The following NFATC2 variants were observed in gnomAD, a reference collection of about 807,000 sequenced individuals.
The protein encoded by NFATC2 is nuclear factor of activated T-cells, cytoplasmic 2.
A neutral mutation model predicts 87.3 loss-of-function variants in NFATC2; 22 were observed. That is an observed-to-expected ratio of 0.25 (90% CI 0.18 to 0.36). The LOEUF is 0.36. Ranked by LOEUF, NFATC2 falls within the 10% of genes least tolerant of loss-of-function variation. The pLI, the probability that NFATC2 is intolerant of heterozygous loss-of-function variation, is 1.00. For synonymous variants in NFATC2, 565 were observed against 542.2 expected (o/e 1.04, Z -0.58); for missense variants, 1,149 against 1,259.1 (o/e 0.91, Z 1.32).
chr20:51,486,595 C>G (rs1344913071), intron 3 of NFATC2, among the ~76,000 whole-genome samples: 1 of 110,028 alleles, frequency 9.1e-6, no homozygotes, highest in East Asian at 3.2e-4. Context: ...TGTTCCCACC[C>G]CCCGCCCCAC....
intron 1 of NFATC2, among the ~76,000 whole-genome samples, chr20:51,530,087 G>A (rs932022959): frequency 3.9e-5 from 6 of 152,168 alleles, no homozygotes; most frequent in Admixed American, 2.6e-4. Flanking sequence ...CTAGGAACAG[G>A]GAAAGGGAGG....
intron 1 of NFATC2, among the ~76,000 whole-genome samples, chr20:51,527,764 C>G (rs77263937): frequency 6.6e-6 from 1 of 152,006 alleles, no homozygotes; most frequent in African/African-American, 2.4e-5. Context: ...CACGTGCCCC[C>G]GGAACCACAT....
At chr20:51,497,241 G>A (rs1314636351) in intron 3 of NFATC2, among the ~76,000 whole-genome samples, 2 of 152,274 alleles carry the variant, frequency 1.3e-5, no homozygotes, top group East Asian at 1.9e-4. Flanking sequence ...TCTGCCTCAC[G>A]ACTTCAACAA....
chr20:51,477,975 A>C (rs1988900273), intron 3 of NFATC2, among the ~76,000 whole-genome samples: 1 of 152,216 alleles, frequency 6.6e-6, no homozygotes, highest in Non-Finnish European at 1.5e-5. Context: ...CACAATGAAC[A>C]AACAGCACAG....
intron 6 of NFATC2, among the ~76,000 whole-genome samples, chr20:51,445,951 C>A (rs1427557038): frequency 6.6e-6 from 1 of 152,176 alleles, no homozygotes; most frequent in Admixed American, 6.5e-5. Context: ...CTCTTCTCGG[C>A]CCTAAGCTGT....
intron 1 of NFATC2, among the ~76,000 whole-genome samples, chr20:51,535,456 C>T (rs752354515): frequency 2.6e-5 from 4 of 152,214 alleles, no homozygotes; most frequent in Admixed American, 6.5e-5. Flanking sequence ...AACCCTTGGC[C>T]GGGGTCAGAG....
chr20:51,429,305 G>A (rs918363444), intron 9 of NFATC2, among the ~76,000 whole-genome samples: 1 of 152,254 alleles, frequency 6.6e-6, no homozygotes, highest in Non-Finnish European at 1.5e-5. Flanking sequence ...AGGGTCCTGG[G>A]GTGGGCAGAG....
At chr20:51,491,575 G>A (rs16996047) in intron 3 of NFATC2, among the ~76,000 whole-genome samples, 11,802 of 152,148 alleles carry the variant, frequency 0.078, 596 homozygotes, top group African/African-American at 0.15. Context: ...GAGCTGGGAG[G>A]AGAAGTGCAG....
In NFATC2 at chr20:51,523,196, C is replaced by G. The variant is rs1317087060; in HGVS notation, c.1045G>C (p.Val349Leu). ...AGLPRHIYPA[V>L]EFLGPCEQGE... ...TGCTCGCAGGGCCCCAGGAACTCCA[C>G]GGCCGGGTAGATGTGGCGAGGCAGG... Residue 349 changes from valine to leucine, a missense_variant, in exon 2 of 11, where the codon GTG becomes CTG. This residue lies in a region of NFATC2 where 563 missense variants were observed against 585.2 expected (regional missense o/e 0.96). Coordinates refer to ENST00000371564, the MANE Select transcript of NFATC2 (RefSeq NM_012340.5). The surrounding 1 kb of genome is among the most constrained non-coding windows in gnomAD (Gnocchi z 6.9). 6.2e-7 allele frequency: 1 copy of G among 1,614,116 alleles called. No homozygotes were observed. Among genetic ancestry groups the G allele is most frequent in the African/African-American group, 1.3e-5 (1 of 75,064 alleles).
chr20:51,548,473 G>A (rs561952492), intron 1 of NFATC2, among the ~76,000 whole-genome samples: 70 of 152,166 alleles, frequency 4.6e-4, no homozygotes, highest in African/African-American at 1.5e-3. Context: ...TTCTTCCCTG[G>A]GATATCTAGG....
intron 6 of NFATC2, 66 bp downstream of exon 6, chr20:51,454,482 T>C: frequency 1.3e-6 from 2 of 1,583,690 alleles, no homozygotes; most frequent in Non-Finnish European, 1.7e-6. Flanking sequence ...AAGTTGTATA[T>C]AATAAAGAGA....
chr20:51,415,953 TAGG>T (rs1979985778), intron 9 of NFATC2, among the ~76,000 whole-genome samples: 2 of 152,038 alleles, frequency 1.3e-5, no homozygotes, highest in African/African-American at 4.8e-5. Flanking sequence ...AAGAAAACAG[TAGG>T]AGTTTAAAAA....
At chr20:51,540,523 A>C (rs1032266776) in intron 1 of NFATC2, among the ~76,000 whole-genome samples, 1 of 152,204 alleles carries the variant, frequency 6.6e-6, no homozygotes, top group Non-Finnish European at 1.5e-5. Flanking sequence ...TGTTGGTTAC[A>C]ATAAATGCAC....
chr20:51,420,529 A>G (rs1271910938), intron 9 of NFATC2, among the ~76,000 whole-genome samples: 1 of 152,230 alleles, frequency 6.6e-6, no homozygotes, highest in East Asian at 1.9e-4. Flanking sequence ...CATTTTTTCA[A>G]CAAATAAATT....
At chr20:51,447,151 T>G (rs1985173964) in intron 6 of NFATC2, among the ~76,000 whole-genome samples, 1 of 152,188 alleles carries the variant, frequency 6.6e-6, no homozygotes, top group Non-Finnish European at 1.5e-5. Flanking sequence ...AATACAACCT[T>G]TGGGGACCTC....
chr20:51,535,195 C>T (rs920107888), intron 1 of NFATC2, among the ~76,000 whole-genome samples: 1 of 152,186 alleles, frequency 6.6e-6, no homozygotes, highest in African/African-American at 2.4e-5. Context: ...CAACAGGACT[C>T]GCCAGGGCTA....
intron 3 of NFATC2, among the ~76,000 whole-genome samples, chr20:51,516,028 G>GT (rs1194401140): frequency 6.6e-6 from 1 of 152,082 alleles, no homozygotes; most frequent in Non-Finnish European, 1.5e-5. Context: ...TAATTGACTT[G>GT]TTAGTGGGCA....
chr20:51,535,999 A>G (rs2076713659), intron 1 of NFATC2, among the ~76,000 whole-genome samples: 1 of 152,230 alleles, frequency 6.6e-6, no homozygotes, highest in South Asian at 2.1e-4. Context: ...CACAGAGGGA[A>G]AAAGCATTAA....
chr20:51,403,004 T>C (rs917729255), intron 9 of NFATC2, among the ~76,000 whole-genome samples: 3 of 152,336 alleles, frequency 2.0e-5, no homozygotes, highest in African/African-American at 7.2e-5. Context: ...TACCCACATA[T>C]GCCAGGACCA....
Sources: gnomAD v4.1 joint callset for allele counts (sites outside exome capture counted in the v4.1 genomes callset) on GRCh38, gnomAD v4.1.1 for gene constraint, gnomAD v4.1.1 regional missense constraint, Gnocchi (gnomAD v3.1) non-coding constraint, MANE v1.5 for transcripts, NCBI Gene and HGNC (gene_info 2026-07-23, HGNC 2026-07-21) for gene names.